Variants in COG8 observed in about 807,000 individuals in gnomAD.
The protein encoded by COG8 is component of oligomeric golgi complex 8.
Under a neutral mutation model 46.5 loss-of-function variants are expected in COG8, and 45 were observed. The observed-to-expected ratio is 0.97, with a 90% CI of 0.76 to 1.24. COG8 has a LOEUF of 1.24. Ranked by LOEUF, COG8 falls within the 50% of genes most tolerant of loss-of-function variation. The pLI, the probability that COG8 is intolerant of heterozygous loss-of-function variation, is 0.00. For missense variants in COG8, 793 were observed against 820.8 expected (o/e 0.97, Z 0.41); for synonymous variants, 407 against 347.8 (o/e 1.17, Z -1.90).
chr16:69,334,468 A>G, intron 3 of COG8, 53 bp downstream of exon 3: 1 of 1,499,996 alleles, frequency 6.7e-7, no homozygotes, highest in South Asian at 1.2e-5. Flanking sequence ...AAATCTGGCC[A>G]CCCATTACCA....
rs439067 is a variant in COG8 at position 69,327,670 on chromosome 16, T to C, written c.*1536A>G. 1.3e-5 allele frequency: 2 copies of C among 152,208 alleles called. No individual in the cohort carries two copies. The highest frequency in any genetic ancestry group is 3.9e-4 in the East Asian group (2 of 5,172). The allele number at this position is 152,208 out of a possible 1,614,324, so 9.4% of individuals were successfully genotyped here. A position where few individuals can be genotyped will look rare whatever the true frequency, so the allele number is the denominator to read the frequency against. On this transcript the variant is annotated 3_prime_UTR_variant, in exon 6 of 6. Coordinates refer to ENST00000306875, the MANE Select transcript of COG8 (RefSeq NM_032382.5). ...TTTTCAGGACTCTGTTCAGCAAGAA[T>C]ACCTACTTTACAAAACTCAGCATAA...
intron 5 of COG8, chr16:69,330,600 C>T (rs1461107782): frequency 1.4e-6 from 2 of 1,417,036 alleles, no homozygotes; most frequent in Non-Finnish European, 1.8e-6. Context: ...ACCCGGCCCG[C>T]CCCTTCCGGC....
rs200031891 is a variant in COG8, at chr16:69,332,821, T to C, written c.1475A>G (p.Gln492Arg). Residue 492 changes from glutamine to arginine, a missense_variant, in exon 4 of 6, where the codon CAA (glutamine) becomes CGA (arginine). Physicochemically the swap from Gln to Arg is conservative, Grantham distance 43. Coordinates refer to ENST00000306875, the MANE Select transcript of COG8 (RefSeq NM_032382.5). ...AGTGCAGAACTGGACAAAGAGCTCT[T>C]GCTCCCCGCTGCTGAAGGCAGCCTC... ...AEEAAFSSGE[Q>R]ELFVQFCTVF... is the part of the protein sequence containing the mutation. The C allele has an allele frequency of 1.8e-5, 29 of 1,614,222 alleles. No homozygotes were observed. Among genetic ancestry groups the C allele is most frequent in the Non-Finnish European group, 2.1e-5 (25 of 1,180,026 alleles).
At chr16:69,330,503 GCCGCC>G in intron 5 of COG8, 1 of 1,472,198 alleles carries the variant, frequency 6.8e-7, no homozygotes. Flanking sequence ...ACCGACGGCT[GCCGCC>G]CCGCCCCACG....
chr16:69,335,771 G>A (rs1365995902), intron 2 of COG8, among the ~76,000 whole-genome samples: 2 of 148,798 alleles, frequency 1.3e-5, no homozygotes, highest in African/African-American at 5.0e-5. Flanking sequence ...AGCCAAGGTC[G>A]CACCACTGCA....
chr16:69,334,869 G>C lies in COG8; in HGVS notation c.1065C>G (p.Ser355=), dbSNP rs755362218. ...GGAAATCAGCTCCCACCCGGCTGAA[G>C]GACAGCCCAAAGTACATGCACTGGC... The part of the protein sequence containing the change: ...LLGQCMYFGL[S]FSRVGADFRG... The change falls in exon 3 of 6, where the codon TCC becomes TCG. Residue 355 remains serine (S), a synonymous_variant. Transcript: ENST00000306875. The C allele has an allele frequency of 6.2e-7, 1 of 1,614,082 alleles. No homozygotes were observed. Among genetic ancestry groups the C allele is most frequent in the South Asian group, 1.1e-5 (1 of 91,092 alleles).
intron 2 of COG8, among the ~76,000 whole-genome samples, chr16:69,335,576 A>AGCACC (rs2143354177): frequency 6.6e-6 from 1 of 152,264 alleles, no homozygotes; most frequent in South Asian, 2.1e-4. Context: ...CTGTAATCCC[A>AGCACC]GCACCGTGGG....
At chr16:69,331,312 C>T (rs571146279) in intron 4 of COG8, among the ~76,000 whole-genome samples, 12 of 151,940 alleles carry the variant, frequency 7.9e-5, no homozygotes, top group Admixed American at 5.9e-4. Flanking sequence ...ATTAGCCGGG[C>T]TTGGTGGCGC....
In COG8 at chr16:69,330,416, A is replaced by G. The variant is rs775558858; in HGVS notation, c.*26+397T>C. On this transcript the variant is annotated intron_variant, in intron 5 of 5. Coordinates refer to ENST00000306875, the MANE Select transcript of COG8 (RefSeq NM_032382.5). ...GGGAGGACCCAGCACCAGACGCCTCAGGTGGCGCCAATAGGAGCGCCGCAG... is the reference window on the plus strand; with the variant it reads ...GGGAGGACCCAGCACCAGACGCCTCGGGTGGCGCCAATAGGAGCGCCGCAG... The G allele has an allele frequency of 1.2e-5, 17 of 1,476,886 alleles. No individual in the cohort carries two copies. In the South Asian group the frequency reaches 1.5e-4, roughly 13 times the overall value. The allele number at this position is 1,476,886 out of a possible 1,614,324, so 91.5% of individuals were successfully genotyped here. A position where few individuals can be genotyped will look rare whatever the true frequency, so the allele number is the denominator to read the frequency against.
Position 69,336,639 on chromosome 16 carries a change from C to G in COG8, c.451G>C (p.Glu151Gln), listed in dbSNP as rs200225054. 1.2e-6 allele frequency: 2 copies of G among 1,614,112 alleles called. No individual in the cohort carries two copies. The highest frequency in any genetic ancestry group is 1.3e-5 in the African/African-American group (1 of 75,026). Residue 151 changes from glutamate to glutamine, a missense_variant, in exon 2 of 6, where the codon GAA becomes CAA. By Grantham distance (29) the Glu-to-Gln change is conservative. Coordinates refer to ENST00000306875, the MANE Select transcript of COG8 (RefSeq NM_032382.5). ...MNSLTLNRHTEILEILEIPQL... is the reference protein window; with the variant it reads ...MNSLTLNRHTQILEILEIPQL... The stretch of plus-strand genomic sequence containing the variant: ...GGAATCTCCAGTATTTCCAAAATTT[C>G]TGTGTGCCGGTTTAGGGTCAGGCTA...
rs1487248775 is a variant in COG8 at position 69,329,199 on chromosome 16, C to A, written c.*27-20G>T. 1.9e-6 allele frequency: 3 copies of A among 1,570,132 alleles called. No individual in the cohort carries two copies. Among genetic ancestry groups the A allele is most frequent in the East Asian group, 2.3e-5 (1 of 42,706 alleles). ...CCAGCCCTGCAAAGGAAGTTACAGC[C>A]CTGGTGAGTGGGAACAGCTGAACTG... On this transcript the variant is annotated intron_variant, in intron 5 of 5. Transcript: ENST00000306875.
chr16:69,332,439 C>T (rs1332890784), intron 4 of COG8, among the ~76,000 whole-genome samples: 5 of 152,128 alleles, frequency 3.3e-5, no homozygotes, highest in Non-Finnish European at 5.9e-5. Context: ...TGGCTTCTTC[C>T]GCTTAGCCAG....
intron 3 of COG8, among the ~76,000 whole-genome samples, chr16:69,334,240 T>C (rs780612110): frequency 3.3e-5 from 5 of 152,214 alleles, no homozygotes; most frequent in Non-Finnish European, 7.3e-5. Context: ...GTAATAAATG[T>C]GTTGCTGGAA....
chr16:69,334,633 G>A lies in COG8; in HGVS notation c.1301C>T (p.Pro434Leu), dbSNP rs766283687. 5 of 1,614,180 alleles carry A rather than the reference G, an allele frequency of 3.1e-6. No individual in the cohort carries two copies. The highest frequency in any genetic ancestry group is 4.2e-6 in the Non-Finnish European group (5 of 1,180,034). ...AATATTGTTGAGAAAGCAGGCGAGG[G>A]GTGGGAAATCTAGGAGCACCATGGG... ...QPPMVLLDFP[P>L]LACFLNNILV... Residue 434 changes from proline (P) to leucine (L), a missense_variant, in exon 3 of 6, where the codon CCC becomes CTC. By Grantham distance (98) the Pro-to-Leu change is moderately conservative. Transcript: ENST00000306875.
chr16:69,330,383 G>A (rs945282671), intron 5 of COG8: 11 of 1,479,142 alleles, frequency 7.4e-6, no homozygotes, highest in Non-Finnish European at 9.8e-6. Context: ...GTGCGAGAAC[G>A]GCGGTTCGGG....
intron 2 of COG8, among the ~76,000 whole-genome samples, 200 bp downstream of exon 2, chr16:69,336,305 G>A (rs1315255550): frequency 6.6e-6 from 1 of 152,104 alleles, no homozygotes; most frequent in Non-Finnish European, 1.5e-5. Flanking sequence ...TATTCACACT[G>A]TATCCCCAGC....
intron 1 of COG8, 103 bp from the exon 2 acceptor site, chr16:69,336,815 T>C (rs2012234377): frequency 2.9e-6 from 3 of 1,028,548 alleles, no homozygotes; most frequent in Admixed American, 1.9e-5. Flanking sequence ...ATGATCTATC[T>C]GATTTATTCC....
chr16:69,335,366 G>T lies in COG8; in HGVS notation c.586-18C>A. The T allele has an allele frequency of 6.4e-7, 1 of 1,564,578 alleles. No individual in the cohort carries two copies. The highest frequency in any genetic ancestry group is 8.6e-7 in the Non-Finnish European group (1 of 1,158,514). On this transcript the variant is annotated intron_variant, in intron 2 of 5. Coordinates refer to ENST00000306875, the MANE Select transcript of COG8 (RefSeq NM_032382.5). ...ACGATGCCCTGACAATACACAGAGA[G>T]AGTCACACTGCGCTGGGAAGGATGC... is the stretch of plus-strand genomic sequence containing the variant.
At chr16:69,334,069 A>C (rs2012049020) in intron 3 of COG8, among the ~76,000 whole-genome samples, 2 of 152,088 alleles carry the variant, frequency 1.3e-5, no homozygotes, top group African/African-American at 4.8e-5. Flanking sequence ...CTGCAATTGC[A>C]AAGAACTGAC....
Sources: gnomAD v4.1 joint callset for allele counts (sites outside exome capture counted in the v4.1 genomes callset) on GRCh38, gnomAD v4.1.1 for gene constraint, MANE v1.5 for transcripts, NCBI Gene and HGNC (gene_info 2026-07-23, HGNC 2026-07-21) for gene names.